The following BMF variants were observed in gnomAD, a reference collection of about 807,000 sequenced individuals.
BMF encodes Bcl2 modifying factor.
Under a neutral mutation model 22.0 loss-of-function variants are expected in BMF, and 10 were observed. The ratio of observed to expected loss-of-function variants is 0.45; its 90% CI spans 0.28 to 0.77. The LOEUF (loss-of-function observed/expected upper bound fraction) is 0.77. Ranked by LOEUF, BMF falls within the 30% of genes least tolerant of loss-of-function variation. The pLI, the probability that BMF is intolerant of heterozygous loss-of-function variation, is 0.13. For missense variants in BMF, 206 were observed against 226.8 expected, an observed-to-expected ratio of 0.91 and a Z score of 0.59; for synonymous variants, 87 against 88.1, an observed-to-expected ratio of 0.99 and a Z score of 0.07.
At chr15:40,107,246 T>C (rs777087525) in intron 2 of BMF, among the ~76,000 whole-genome samples, 2 of 152,186 alleles carry the variant, frequency 1.3e-5, no homozygotes, top group African/African-American at 4.8e-5. Context: ...CTTGTCAGAC[T>C]CAATTAGAGA....
intron 3 of BMF, among the ~76,000 whole-genome samples, chr15:40,104,676 C>G (rs2141050509): frequency 6.6e-6 from 1 of 152,324 alleles, no homozygotes; most frequent in South Asian, 2.1e-4. Context: ...GTTGGTTATT[C>G]ACGTAGTAGC....
chr15:40,107,697 ACCT>A (rs2036617754), intron 2 of BMF, among the ~76,000 whole-genome samples: 1 of 151,918 alleles, frequency 6.6e-6, no homozygotes, highest in African/African-American at 2.4e-5. Context: ...CAGCTCTCCA[ACCT>A]CCTCTTCTCA....
chr15:40,094,823 A>G (rs139977297), intron 4 of BMF, among the ~76,000 whole-genome samples: 2 of 152,388 alleles, frequency 1.3e-5, no homozygotes, highest in East Asian at 3.9e-4. Context: ...ACAAGACATT[A>G]CAGAGGAGGA....
chr15:40,102,807 A>T (rs952233210), intron 4 of BMF, among the ~76,000 whole-genome samples: 13 of 152,142 alleles, frequency 8.5e-5, no homozygotes, highest in Non-Finnish European at 1.8e-4. Flanking sequence ...TGAAAACAAG[A>T]ATCAGAGTGA....
intron 3 of BMF, among the ~76,000 whole-genome samples, chr15:40,104,930 C>T (rs2036553285): frequency 6.6e-6 from 1 of 152,318 alleles, no homozygotes; most frequent in South Asian, 2.1e-4. Flanking sequence ...ACCAGCGCTC[C>T]ACACTTACCC....
Position 40,091,869 on chromosome 15 carries a change from C to A in BMF, c.473G>T (p.Arg158Leu). 1 of 1,609,254 alleles carries A rather than the reference C, an allele frequency of 6.2e-7. No homozygotes were observed. The highest frequency in any genetic ancestry group is 8.5e-7 in the Non-Finnish European group (1 of 1,178,064). The change falls in exon 5 of 5, where the codon CGT becomes CTT. Residue 158 changes from arginine to leucine, a missense_variant. Arg to Leu is a moderately radical substitution (Grantham distance 102). Coordinates refer to ENST00000354670, the MANE Select transcript of BMF (RefSeq NM_001003940.2). ...HVQQHQQNQN[R>L]VWWQILLFLH... ...GAAGAGGAGGATCTGCCACCACACACGATTTTGGTTCTGCTGGTGCTGAAG... is the reference window on the plus strand; with the variant it reads ...GAAGAGGAGGATCTGCCACCACACAAGATTTTGGTTCTGCTGGTGCTGAAG...
intron 4 of BMF, among the ~76,000 whole-genome samples, chr15:40,099,113 T>C (rs1236733380): frequency 6.6e-6 from 1 of 152,188 alleles, no homozygotes; most frequent in Non-Finnish European, 1.5e-5. Flanking sequence ...TCTCACTCTA[T>C]AGCAAACCTC....
Position 40,091,850 on chromosome 15 carries a change from G to C in BMF, c.492C>G (p.Leu164=). ...TCAAAGCAAGGTTGTGCAGGAAGAG[G>C]AGGATCTGCCACCACACACGATTTT... is the stretch of plus-strand genomic sequence containing the variant. ...QNQNRVWWQI[L]LFLHNLALNG... Residue 164 remains leucine, a synonymous_variant, in exon 5 of 5, where the codon CTC becomes CTG. Coordinates refer to ENST00000354670, the MANE Select transcript of BMF (RefSeq NM_001003940.2). 6.2e-7 allele frequency: 1 copy of C among 1,611,410 alleles called. No homozygotes were observed. Among genetic ancestry groups the C allele is most frequent in the Non-Finnish European group, 8.5e-7 (1 of 1,179,064 alleles).
rs1264161955 is a variant in BMF at position 40,106,959 on chromosome 15, G to C, written c.-5-868C>G. Reference sequence around the variant, plus strand: ...CCTGCCAGCTCTGAACCTGAGACTGGTACAACTGGTCTTACAGAAGGAAGT... The same window carrying C: ...CCTGCCAGCTCTGAACCTGAGACTGCTACAACTGGTCTTACAGAAGGAAGT... On this transcript the variant is annotated intron_variant, in intron 2 of 4. Coordinates refer to ENST00000354670, the MANE Select transcript of BMF (RefSeq NM_001003940.2). The surrounding 1 kb of genome is among the most constrained non-coding windows in gnomAD (Gnocchi z 4.1). 6.6e-6 allele frequency among the ~76,000 whole-genome samples: 1 copy of C among 152,156 alleles called. No homozygotes were observed. Among genetic ancestry groups the C allele is most frequent in the Non-Finnish European group, 1.5e-5 (1 of 68,020 alleles).
Position 40,092,787 on chromosome 15 carries a change from G to C in BMF, c.454-899C>G, listed in dbSNP as rs1054067942. On this transcript the variant is annotated intron_variant, in intron 4 of 4. Coordinates refer to ENST00000354670, the MANE Select transcript of BMF (RefSeq NM_001003940.2). ...GGTACCATTTCCCAGGAGAGGCCTG[G>C]GGGGGTGGAAACTGGGGGGTGCTGG... Among the ~76,000 whole-genome samples, 20 of 152,194 alleles carry C rather than the reference G, an allele frequency of 1.3e-4. No homozygotes were observed. In the East Asian group the frequency reaches 1.9e-3, roughly 15 times the overall value.
At chr15:40,104,551 G>C (rs1050462194) in intron 3 of BMF, among the ~76,000 whole-genome samples, 5 of 152,224 alleles carry the variant, frequency 3.3e-5, no homozygotes, top group Non-Finnish European at 7.3e-5. Context: ...AATGGCCCCA[G>C]CCTTCTCTTC....
At chr15:40,097,766 G>A (rs1261668351) in intron 4 of BMF, among the ~76,000 whole-genome samples, 1 of 152,194 alleles carries the variant, frequency 6.6e-6, no homozygotes, top group Non-Finnish European at 1.5e-5. Flanking sequence ...GGAGCACAAG[G>A]AAAACCTGGG....
intron 4 of BMF, among the ~76,000 whole-genome samples, chr15:40,101,465 A>AC (rs2036474430): frequency 2.0e-5 from 3 of 152,162 alleles, no homozygotes; most frequent in African/African-American, 7.2e-5. Flanking sequence ...CTGACTCTGA[A>AC]CCCAAAGCCT....
intron 4 of BMF, among the ~76,000 whole-genome samples, chr15:40,093,092 G>T (rs1015749021): frequency 6.6e-6 from 1 of 152,228 alleles, no homozygotes; most frequent in Non-Finnish European, 1.5e-5. Context: ...GGCACAGCTG[G>T]AAAGGGGGCC....
intron 4 of BMF, among the ~76,000 whole-genome samples, chr15:40,093,613 G>A (rs893270879): frequency 1.3e-5 from 2 of 152,208 alleles, no homozygotes; most frequent in Non-Finnish European, 2.9e-5. Flanking sequence ...CGAGACAGGT[G>A]CAGAGGTCAT....
At chr15:40,105,662 TG>T in intron 3 of BMF, 132 bp downstream of exon 3, 3 of 1,120,914 alleles carry the variant, frequency 2.7e-6, no homozygotes, top group Non-Finnish European at 3.8e-6. Flanking sequence ...AGGCAGCAGG[TG>T]GAAGTCAAGG....
At chr15:40,092,198 T>G (rs1436657399) in intron 4 of BMF, among the ~76,000 whole-genome samples, 1 of 152,256 alleles carries the variant, frequency 6.6e-6, no homozygotes. Context: ...AGCCAAGTGC[T>G]GCTTTTAATC....
chr15:40,104,264 C>T lies in BMF; in HGVS notation c.369G>A (p.Gly123=), dbSNP rs1242784592. Residue 123 remains glycine (G), a synonymous_variant, in exon 4 of 5, where the codon GGG becomes GGA. Transcript: ENST00000354670. ...GTACCTCTGCTTGATGTTGCCACTG[C>T]CCTTCGGGGGGCTGCTCCCCAATGG... ...VLPIGEQPPE[G]QWQHQAEVQI... is the part of the protein sequence containing the mutation. 11 of 1,614,110 alleles carry T rather than the reference C, an allele frequency of 6.8e-6. No homozygotes were observed. The East Asian group carries it at 8.9e-5, about 13-fold the overall frequency.
At chr15:40,095,492 G>C (rs1017659882) in intron 4 of BMF, among the ~76,000 whole-genome samples, 12 of 152,120 alleles carry the variant, frequency 7.9e-5, no homozygotes, top group African/African-American at 2.9e-4. Flanking sequence ...AGTGTACTTG[G>C]CCTCTGACCC....
Sources: gnomAD v4.1 joint callset for allele counts (sites outside exome capture counted in the v4.1 genomes callset) on GRCh38, gnomAD v4.1.1 for gene constraint, Gnocchi (gnomAD v3.1) non-coding constraint, MANE v1.5 for transcripts, NCBI Gene and HGNC (gene_info 2026-07-23, HGNC 2026-07-21) for gene names.